CSF2RB: variants seen among roughly 807,000 people sequenced by gnomAD.
CSF2RB encodes the protein cytokine receptor common subunit beta.
CSF2RB carries 22 observed loss-of-function variants against 67.2 expected under a neutral mutation model. The ratio of observed to expected loss-of-function variants is 0.33; its 90% CI spans 0.23 to 0.47. The LOEUF (loss-of-function observed/expected upper bound fraction) is 0.47. Ranked by LOEUF, CSF2RB falls within the 20% of genes least tolerant of loss-of-function variation. The pLI, the probability that CSF2RB is intolerant of heterozygous loss-of-function variation, is 1.00. For missense variants in CSF2RB, 1,113 were observed against 1,174.5 expected (o/e 0.95, Z 0.76); for synonymous variants, 507 against 482.9 (o/e 1.05, Z -0.65).
At chr22:36,929,283 C>T in intron 4 of CSF2RB, 119 bp from the exon 5 acceptor site, 1 of 1,376,066 alleles carries the variant, frequency 7.3e-7, no homozygotes, top group Non-Finnish European at 1.0e-6. Context: ...CTCAAGGTCC[C>T]TCAGCTGCTG....
In CSF2RB at chr22:36,937,688, A is replaced by G; in HGVS notation, c.1880A>G (p.Glu627Gly). The G allele has an allele frequency of 1.3e-6, 2 of 1,554,658 alleles. No individual in the cohort carries two copies. Among genetic ancestry groups the G allele is most frequent in the South Asian group, 1.2e-5 (1 of 84,854 alleles). ...AAGTCCCCACCTCCAGGGTCCCTGG[A>G]GTACCTGTGTCTGCCTGCTGGGGGG... ...SQKSPPPGSL[E>G]YLCLPAGGQV... The change falls in exon 14 of 14, where the codon GAG (glutamate) becomes GGG (glycine). Residue 627 changes from glutamate (E) to glycine (G), a missense_variant. Glu to Gly is a moderately conservative substitution (Grantham distance 98, BLOSUM62 -2). Coordinates refer to ENST00000403662, the MANE Select transcript of CSF2RB (RefSeq NM_000395.3). This position sits in a 1 kb window ranked among gnomAD's most constrained non-coding sequence, Gnocchi z 4.6.
chr22:36,929,360 A>G (rs1454221694), intron 4 of CSF2RB, 42 bp from the exon 5 acceptor site: 1 of 1,613,864 alleles, frequency 6.2e-7, no homozygotes, highest in South Asian at 1.1e-5. Context: ...ACTGCCCCCC[A>G]GCGGTCCAGC....
In CSF2RB at chr22:36,934,301, TG is replaced by T. The variant is rs745515803; in HGVS notation, c.1315+310del. 3.8e-4 allele frequency among the ~76,000 whole-genome samples: 58 copies of T among 152,190 alleles called. 1 individual carries two copies. Among genetic ancestry groups the T allele is most frequent in the South Asian group, 1.5e-3 (7 of 4,814 alleles). ...GGGCAGAGGATGCCACATCTCTGGG[TG>T]GGCACAGAGATGTGGGGCTCCAGAC... On this transcript the variant is annotated intron_variant, in intron 10 of 13. Coordinates refer to ENST00000403662, the MANE Select transcript of CSF2RB (RefSeq NM_000395.3).
At chr22:36,926,351 C>T (rs1941017357) in intron 4 of CSF2RB, among the ~76,000 whole-genome samples, 174 bp downstream of exon 4, 1 of 152,224 alleles carries the variant, frequency 6.6e-6, no homozygotes, top group Non-Finnish European at 1.5e-5. Context: ...AGAGGGGCCC[C>T]TGACAAAGGC....
intron 8 of CSF2RB, among the ~76,000 whole-genome samples, chr22:36,931,578 G>A (rs935554749): frequency 6.6e-6 from 1 of 152,264 alleles, no homozygotes; most frequent in Non-Finnish European, 1.5e-5. Context: ...AGGCATCAAG[G>A]TTATAAGCAT....
intron 1 of CSF2RB, among the ~76,000 whole-genome samples, chr22:36,921,240 CTG>C (rs746824234): frequency 4.1e-5 from 6 of 147,966 alleles, no homozygotes; most frequent in Non-Finnish European, 6.0e-5. Flanking sequence ...GTCTGTGTCT[CTG>C]TGTGTGTGTT....
chr22:36,931,820 G>C (rs1385415624), intron 8 of CSF2RB, among the ~76,000 whole-genome samples: 1 of 152,178 alleles, frequency 6.6e-6, no homozygotes, highest in Non-Finnish European at 1.5e-5. Flanking sequence ...GCTGGGGAGA[G>C]GCCTCACCTA....
At chr22:36,925,228 A>G (rs1225104889) in intron 3 of CSF2RB, among the ~76,000 whole-genome samples, 1 of 152,050 alleles carries the variant, frequency 6.6e-6, no homozygotes, top group Non-Finnish European at 1.5e-5. Flanking sequence ...CCACCAGCAA[A>G]TGCTGCCAAC....
rs945458075 is a variant in CSF2RB at position 36,938,095 on chromosome 22, T to A, written c.2287T>A (p.Phe763Ile). The change falls in exon 14 of 14, where the codon TTT becomes ATT. Residue 763 changes from phenylalanine to isoleucine, a missense_variant. Around this residue, in one of 2 missense-constraint regions of CSF2RB, gnomAD observed 554 missense variants for 517.9 expected, o/e 1.07. Transcript: ENST00000403662. ...AGCCCCAGGCCCTGTGAAGTCAGGGTTTGAGGGCTATGTGGAGCTCCCTCC... is the reference window on the plus strand; with the variant it reads ...AGCCCCAGGCCCTGTGAAGTCAGGGATTGAGGGCTATGTGGAGCTCCCTCC... ...PGAPGPVKSGFEGYVELPPIE... is the reference protein window; with the variant it reads ...PGAPGPVKSGIEGYVELPPIE... 2 of 1,613,636 alleles carry A rather than the reference T, an allele frequency of 1.2e-6. No homozygotes were observed. Among genetic ancestry groups the A allele is most frequent in the African/African-American group, 2.7e-5 (2 of 74,794 alleles).
intron 1 of CSF2RB, among the ~76,000 whole-genome samples, chr22:36,918,020 C>T (rs973963953): frequency 6.6e-6 from 1 of 152,114 alleles, no homozygotes; most frequent in African/African-American, 2.4e-5. Context: ...AAGAGGAGAT[C>T]TTTAGCAAGT....
chr22:36,937,193 A>G lies in CSF2RB; in HGVS notation c.1569-184A>G, dbSNP rs912895016. The stretch of plus-strand genomic sequence containing the variant: ...CCTGAGCCACGGAAAGACTGAATCC[A>G]TGTCCCATGTCCTTCTCTGGGGCCC... On this transcript the variant is annotated intron_variant, in intron 13 of 13. Coordinates refer to ENST00000403662, the MANE Select transcript of CSF2RB (RefSeq NM_000395.3). This position sits in a 1 kb window ranked among gnomAD's most constrained non-coding sequence, Gnocchi z 4.6. Among the ~76,000 whole-genome samples, 8 of 152,040 alleles carry G rather than the reference A, an allele frequency of 5.3e-5. No homozygotes were observed. The highest frequency in any genetic ancestry group is 1.7e-4 in the African/African-American group (7 of 41,384).
chr22:36,923,418 G>T, intron 3 of CSF2RB, 51 bp downstream of exon 3: 1 of 1,598,648 alleles, frequency 6.3e-7, no homozygotes, highest in Non-Finnish European at 8.5e-7. Context: ...GACGTCCCCT[G>T]TGCCTGGCAT....
rs536184819 is a variant in CSF2RB at position 36,932,790 on chromosome 22, C to G, written c.1038C>G (p.Asn346Lys). Residue 346 changes from asparagine (N) to lysine (K), a missense_variant, in exon 9 of 14, where the codon AAC becomes AAG. Physicochemically the swap from Asn to Lys is moderately conservative, Grantham distance 94 (BLOSUM62 0). This residue lies in a region of CSF2RB where 559 missense variants were observed against 656.5 expected (regional missense o/e 0.85). Transcript: ENST00000403662. ...VNIQMAPPSLNVTKDGDSYSL... is the reference protein window; with the variant it reads ...VNIQMAPPSLKVTKDGDSYSL... ...TCCAGATGGCCCCTCCATCCCTCAA[C>G]GTGACCAAGGATGGAGACAGCTACA... The G allele has an allele frequency of 6.2e-7, 1 of 1,613,930 alleles. No homozygotes were observed. Among genetic ancestry groups the G allele is most frequent in the South Asian group, 1.1e-5 (1 of 91,036 alleles).
At chr22:36,936,057 G>C (rs1272038514) in intron 12 of CSF2RB, among the ~76,000 whole-genome samples, 2 of 152,202 alleles carry the variant, frequency 1.3e-5, no homozygotes, top group Non-Finnish European at 2.9e-5. Flanking sequence ...TCCCAGTGGT[G>C]CCAGGTGGCA....
intron 10 of CSF2RB, 40 bp from the exon 11 acceptor site, chr22:36,935,311 C>G: frequency 6.2e-7 from 1 of 1,602,124 alleles, no homozygotes; most frequent in Non-Finnish European, 8.6e-7. Flanking sequence ...GATTTCCCGC[C>G]CAGATGCTGA....
chr22:36,916,053 T>C (rs1336439444), intron 1 of CSF2RB, among the ~76,000 whole-genome samples: 1 of 152,228 alleles, frequency 6.6e-6, no homozygotes, highest in African/African-American at 2.4e-5. Context: ...TTATGACTTA[T>C]CTTTTTCTTT....
chr22:36,929,463 CT>C lies in CSF2RB; in HGVS notation c.454del (p.Trp152GlyfsTer113). Reference protein sequence around the residue: ...STDQDHFLLTWSVALGSPQSH... With the variant: ...STDQDHFLLTXSVALGSPQSH... ...CCGACCAGGACCACTTCCTGCTGACCTGGAGTGTGGCCCTTGGGAGTCCCCA... is the reference window on the plus strand; with the variant it reads ...CCGACCAGGACCACTTCCTGCTGACCGGAGTGTGGCCCTTGGGAGTCCCCA... On this transcript the variant is annotated frameshift_variant, in exon 5 of 14. Coordinates refer to ENST00000403662, the MANE Select transcript of CSF2RB (RefSeq NM_000395.3). LOFTEE classifies it high-confidence loss of function. 1.2e-6 allele frequency: 2 copies of C among 1,614,206 alleles called. No individual in the cohort carries two copies. The highest frequency in any genetic ancestry group is 1.7e-6 in the Non-Finnish European group (2 of 1,180,034).
At chr22:36,933,009 C>A in intron 9 of CSF2RB, 105 bp downstream of exon 9, 4 of 1,407,646 alleles carry the variant, frequency 2.8e-6, no homozygotes, top group Admixed American at 1.9e-5. Flanking sequence ...TGGCAGGTGA[C>A]CAGTGAGAGG....
rs1368227196 is a variant in CSF2RB, at chr22:36,937,744, A to G, written c.1936A>G (p.Met646Val). Reference protein sequence around the residue: ...QVQLVPLAQAMGPGQAVEVER... With the variant: ...QVQLVPLAQAVGPGQAVEVER... ...GCAACTGGTCCCTCTGGCCCAGGCGATGGGACCAGGACAGGCCGTGGAAGT... is the reference window on the plus strand; with the variant it reads ...GCAACTGGTCCCTCTGGCCCAGGCGGTGGGACCAGGACAGGCCGTGGAAGT... The change falls in exon 14 of 14, where the codon ATG (methionine) becomes GTG (valine). Residue 646 changes from methionine to valine, a missense_variant. Coordinates refer to ENST00000403662, the MANE Select transcript of CSF2RB (RefSeq NM_000395.3). This position sits in a 1 kb window ranked among gnomAD's most constrained non-coding sequence, Gnocchi z 4.6. The G allele has an allele frequency of 1.9e-6, 3 of 1,566,016 alleles. No homozygotes were observed. The highest frequency in any genetic ancestry group is 2.7e-5 in the African/African-American group (2 of 73,866).
Sources: gnomAD v4.1 joint callset for allele counts (sites outside exome capture counted in the v4.1 genomes callset) on GRCh38, gnomAD v4.1.1 for gene constraint, gnomAD v4.1.1 regional missense constraint, Gnocchi (gnomAD v3.1) non-coding constraint, MANE v1.5 for transcripts, NCBI Gene and HGNC (gene_info 2026-07-23, HGNC 2026-07-21) for gene names.